PCSK5: variants seen among roughly 807,000 people sequenced by gnomAD.
PCSK5 encodes the protein proprotein convertase subtilisin/kexin type 5.
In PCSK5, 129 loss-of-function variants were observed where a neutral mutation model predicts 233.2. The observed-to-expected ratio is 0.55, with a 90% CI of 0.48 to 0.64. The LOEUF (loss-of-function observed/expected upper bound fraction) is 0.64, where lower values mean the gene tolerates loss of function less well. Ranked by LOEUF, PCSK5 falls within the 30% of genes least tolerant of loss-of-function variation. The probability of loss-of-function intolerance (pLI) is 0.00; values close to 1 mark genes in which losing one functional copy is unlikely to be tolerated. For missense variants in PCSK5, 2,076 were observed against 2,430.1 expected, an observed-to-expected ratio of 0.85 and a Z score of 3.06; for synonymous variants, 825 against 879.2, an observed-to-expected ratio of 0.94 and a Z score of 1.09.
At chr9:76,000,917 CT>C (rs575227170) in intron 3 of PCSK5, among the ~76,000 whole-genome samples, 3,982 of 141,892 alleles carry the variant, frequency 0.028, 55 homozygotes, top group Admixed American at 0.055. Context: ...CCCTTTGTTC[CT>C]TTTTTTTTTT....
Position 76,105,064 on chromosome 9 carries a change from G to T in PCSK5, c.1108-2187G>T, listed in dbSNP as rs12342304. Among the ~76,000 whole-genome samples the T allele has an allele frequency of 3.9e-3, 597 of 152,234 alleles. 5 individuals are homozygous for T. The highest frequency in any genetic ancestry group is 0.014 in the African/African-American group (575 of 41,534). ...ACCGATTTGAAAGAACTGAAAACAG[G>T]GTCTCAGAGAGATTGCGGCACCCCC... On this transcript the variant is annotated intron_variant, in intron 8 of 37. Transcript: ENST00000674117.
At chr9:75,898,299 T>C (rs972276302) in intron 1 of PCSK5, among the ~76,000 whole-genome samples, 3 of 152,168 alleles carry the variant, frequency 2.0e-5, no homozygotes, top group African/African-American at 7.2e-5. Context: ...AAAAAAATGA[T>C]TGTGGGCCTG....
intron 20 of PCSK5, chr9:76,193,413 G>GAAGAAAA: frequency 2.0e-5 from 20 of 979,814 alleles, no homozygotes; most frequent in Non-Finnish European, 2.7e-5. Context: ...TTATTAAAAA[G>GAAGAAAA]AAAAAAGCCA....
intron 3 of PCSK5, among the ~76,000 whole-genome samples, chr9:76,022,950 G>A (rs1396540693): frequency 2.6e-5 from 4 of 151,908 alleles, no homozygotes; most frequent in Admixed American, 6.6e-5. Context: ...TTTTTTTCTC[G>A]CCCATGGGTT....
chr9:75,942,881 TC>T (rs573260905), intron 2 of PCSK5, among the ~76,000 whole-genome samples: 22 of 115,326 alleles, frequency 1.9e-4, no homozygotes, highest in African/African-American at 5.6e-4. Flanking sequence ...CTTTTCTTCT[TC>T]TTCTTTTTTT....
At chr9:76,347,123 T>C (rs1830001635) in intron 35 of PCSK5, among the ~76,000 whole-genome samples, 1 of 152,038 alleles carries the variant, frequency 6.6e-6, no homozygotes, top group East Asian at 1.9e-4. Context: ...TTGTTTCTTC[T>C]CCTCATAAAA....
At chr9:76,297,669 T>C (rs1203888443) in intron 27 of PCSK5, among the ~76,000 whole-genome samples, 1 of 152,338 alleles carries the variant, frequency 6.6e-6, no homozygotes, top group African/African-American at 2.4e-5. Context: ...TCATGTTCTA[T>C]GCGGAGACAG....
intron 10 of PCSK5, among the ~76,000 whole-genome samples, chr9:76,148,119 T>C (rs1041461714): frequency 1.3e-5 from 2 of 151,712 alleles, no homozygotes; most frequent in Non-Finnish European, 2.9e-5. Context: ...GGGAAATTAT[T>C]CTACAACTTT....
chr9:76,059,483 T>A (rs1158562575), intron 5 of PCSK5, among the ~76,000 whole-genome samples: 1 of 152,246 alleles, frequency 6.6e-6, no homozygotes, highest in Non-Finnish European at 1.5e-5. Flanking sequence ...AAGGTTTTTA[T>A]GGTTTTAGGT....
intron 6 of PCSK5, among the ~76,000 whole-genome samples, chr9:76,069,996 ATT>A (rs146321207): frequency 0.65 from 78,766 of 121,862 alleles, 25,329 homozygotes; most frequent in South Asian, 0.76. Context: ...TTCCATTCCA[ATT>A]TTTTTTTTTT....
rs558589931 is a variant in PCSK5 at position 76,319,240 on chromosome 9, G to A, written c.3885-2182G>A. ...AGCACTTTAGGAGGCCAAGGTGGGCGGATCACGAGGTCAAGAGATCAAGAC... is the reference window on the plus strand; with the variant it reads ...AGCACTTTAGGAGGCCAAGGTGGGCAGATCACGAGGTCAAGAGATCAAGAC... On this transcript the variant is annotated intron_variant, in intron 30 of 37. Transcript: ENST00000674117. Among the ~76,000 whole-genome samples, 202 of 152,142 alleles carry A rather than the reference G, an allele frequency of 1.3e-3. 1 individual carries two copies. The highest frequency in any genetic ancestry group is 3.4e-3 in the Middle Eastern group (1 of 294).
rs542889434 is a variant in PCSK5, at chr9:76,201,842, A to G, written c.2626+12096A>G. 2.6e-5 allele frequency among the ~76,000 whole-genome samples: 4 copies of G among 152,346 alleles called. No homozygotes were observed. In the East Asian group the frequency reaches 5.8e-4, roughly 22 times the overall value. On this transcript the variant is annotated intron_variant, in intron 20 of 37. Transcript: ENST00000674117. ...AAAGAGGCTATTGTTTGCATTCTCT[A>G]GCCCAAGTTGAAATGAAGAAGAAAT...
chr9:76,175,845 G>C (rs2131201283), intron 14 of PCSK5, among the ~76,000 whole-genome samples: 1 of 152,268 alleles, frequency 6.6e-6, no homozygotes, highest in Non-Finnish European at 1.5e-5. Context: ...TTCTTCCTCT[G>C]TAGTTCTCTG....
At chr9:76,006,065 T>C (rs1452385107) in intron 3 of PCSK5, among the ~76,000 whole-genome samples, 1 of 151,290 alleles carries the variant, frequency 6.6e-6, no homozygotes, top group Non-Finnish European at 1.5e-5. Flanking sequence ...AGTCTCACCA[T>C]CTTTCCAAGG....
At chr9:75,913,859 T>TA (rs779102609) in intron 1 of PCSK5, among the ~76,000 whole-genome samples, 3 of 152,102 alleles carry the variant, frequency 2.0e-5, no homozygotes, top group Admixed American at 6.6e-5. Context: ...ACTGTATTAT[T>TA]AAAAAAAGGA....
chr9:76,148,785 G>A (rs901399268), intron 10 of PCSK5, among the ~76,000 whole-genome samples: 1 of 152,102 alleles, frequency 6.6e-6, no homozygotes, highest in Non-Finnish European at 1.5e-5. Context: ...ATTGCAATAG[G>A]TTCCCTGCCT....
intron 9 of PCSK5, 58 bp downstream of exon 9, chr9:76,107,409 G>A (rs368771370): frequency 1.1e-4 from 118 of 1,116,050 alleles, no homozygotes; most frequent in African/African-American, 2.0e-4. Context: ...CAGGGAAAAC[G>A]TACCCCTTCC....
chr9:76,263,643 G>T (rs1827249837), intron 24 of PCSK5, among the ~76,000 whole-genome samples: 1 of 151,608 alleles, frequency 6.6e-6, no homozygotes, highest in Non-Finnish European at 1.5e-5. Flanking sequence ...TGGGGGGAGT[G>T]GGGAGGGATA....
intron 9 of PCSK5, among the ~76,000 whole-genome samples, chr9:76,112,336 A>G (rs565614931): frequency 6.6e-6 from 1 of 152,270 alleles, no homozygotes; most frequent in South Asian, 2.1e-4. Context: ...TTTTTCTTAC[A>G]TTTCATATCT....
Sources: gnomAD v4.1 joint callset for allele counts (sites outside exome capture counted in the v4.1 genomes callset) on GRCh38, gnomAD v4.1.1 for gene constraint, MANE v1.5 for transcripts, NCBI Gene and HGNC (gene_info 2026-07-23, HGNC 2026-07-21) for gene names.